ABLIM2: variants seen among roughly 807,000 people sequenced by gnomAD.
ABLIM2 encodes actin-binding LIM protein 2.
ABLIM2 carries 53 observed loss-of-function variants against 97.7 expected under a neutral mutation model. The observed-to-expected ratio is 0.54, with a 90% confidence interval of 0.44 to 0.68. The LOEUF is 0.68. Among genes scored for constraint, ABLIM2 ranks in the 30% least tolerant of loss-of-function variants. ABLIM2 has a pLI of 0.00. For synonymous variants in ABLIM2, 361 were observed against 345.8 expected (o/e 1.04, Z -0.49); for missense variants, 835 against 867.2 (o/e 0.96, Z 0.47).
At chr4:7,968,912 G>C (rs947036526) in intron 20 of ABLIM2, among the ~76,000 whole-genome samples, 1 of 152,108 alleles carries the variant, frequency 6.6e-6, no homozygotes, top group Admixed American at 6.6e-5. Context: ...AGGTTGAGGC[G>C]TGTGGATCAC....
intron 1 of ABLIM2, among the ~76,000 whole-genome samples, chr4:8,114,899 C>T (rs924115181): frequency 6.6e-6 from 1 of 152,222 alleles, no homozygotes; most frequent in African/African-American, 2.4e-5. Flanking sequence ...GGACACTCCT[C>T]CCGGGGCCCA....
At position 8,080,779 on chromosome 4, in the gene ABLIM2, T is replaced by C. The variant is rs1819314844; in HGVS notation, c.478A>G (p.Ile160Val). Residue 160 changes from isoleucine to valine, a missense_variant, in exon 5 of 21, where the codon ATC becomes GTC. Ile to Val is a conservative substitution (Grantham distance 29). Transcript: ENST00000447017. The stretch of plus-strand genomic sequence containing the variant: ...GCTACCAGGGCCTGGCCATTCTTGA[T>C]TTCTGTGCCGCAGCCCCCACAACCT... ...LRSCGGCGTE[I>V]KNGQALVALD... 11 of 1,609,188 alleles carry C rather than the reference T, an allele frequency of 6.8e-6. No individual in the cohort carries two copies. Among genetic ancestry groups the C allele is most frequent in the Non-Finnish European group, 9.3e-6 (11 of 1,176,996 alleles).
chr4:7,992,973 C>T lies in ABLIM2; in HGVS notation c.1619-46G>A, dbSNP rs921197509. On this transcript the variant is annotated intron_variant, in intron 16 of 20. Transcript: ENST00000447017. The surrounding 1 kb of genome is among the most constrained non-coding windows in gnomAD (Gnocchi z 5.7). ...CTTTGTCACGCGCGCAGACTCGGTG[C>T]AGCAATGGGGGTGCAGCCCTGGGGG... The T allele has an allele frequency of 1.3e-6, 2 of 1,597,192 alleles. No homozygotes were observed. The highest frequency in any genetic ancestry group is 1.7e-6 in the Non-Finnish European group (2 of 1,169,124).
At chr4:7,995,321 G>T (rs986784019) in intron 16 of ABLIM2, among the ~76,000 whole-genome samples, 2 of 152,210 alleles carry the variant, frequency 1.3e-5, no homozygotes, top group African/African-American at 4.8e-5. Flanking sequence ...CAGGTACAGG[G>T]CCAGATGCCC....
At chr4:8,089,390 G>A (rs1410949546) in intron 3 of ABLIM2, among the ~76,000 whole-genome samples, 2 of 152,178 alleles carry the variant, frequency 1.3e-5, no homozygotes, top group Non-Finnish European at 2.9e-5. Flanking sequence ...AGAGAACCAG[G>A]TGCTTTTCAG....
At chr4:8,078,882 G>C (rs1246053913) in intron 5 of ABLIM2, among the ~76,000 whole-genome samples, 1 of 152,246 alleles carries the variant, frequency 6.6e-6, no homozygotes, top group African/African-American at 2.4e-5. Context: ...CACAGAGCGA[G>C]GTACCTGCCA....
At position 8,023,534 on chromosome 4, in the gene ABLIM2, G is replaced by A. The variant is rs1775349237; in HGVS notation, c.1268-3231C>T. On this transcript the variant is annotated intron_variant, in intron 12 of 20. Transcript: ENST00000447017. The surrounding 1 kb of genome is among the most constrained non-coding windows in gnomAD (Gnocchi z 5.7). ...TCAGCAGAGCGGATCACTGGCCGTG[G>A]CGGCCTTGCTGACCGGGTCATGCTC... 6.6e-6 allele frequency among the ~76,000 whole-genome samples: 1 copy of A among 152,210 alleles called. No individual in the cohort carries two copies. Among genetic ancestry groups the A allele is most frequent in the Admixed American group, 6.5e-5 (1 of 15,284 alleles).
chr4:8,119,897 A>T (rs1844509663), intron 1 of ABLIM2, among the ~76,000 whole-genome samples: 1 of 151,932 alleles, frequency 6.6e-6, no homozygotes, highest in Non-Finnish European at 1.5e-5. Context: ...GGAAGAGCAG[A>T]CCCTTCGCCT....
chr4:8,002,237 T>C lies in ABLIM2; in HGVS notation c.1618+5822A>G, dbSNP rs181306532. The stretch of plus-strand genomic sequence containing the variant: ...GCAACCCCCCGGACGTCTCAGGCTC[T>C]CCAAGCCAACATGAAGACACCCACC... On this transcript the variant is annotated intron_variant, in intron 16 of 20. Transcript: ENST00000447017. This position sits in a 1 kb window ranked among gnomAD's most constrained non-coding sequence, Gnocchi z 6.1. Among the ~76,000 whole-genome samples, 1 of 152,236 alleles carries C rather than the reference T, an allele frequency of 6.6e-6. No individual in the cohort carries two copies. Among genetic ancestry groups the C allele is most frequent in the East Asian group, 1.9e-4 (1 of 5,158 alleles).
intron 6 of ABLIM2, among the ~76,000 whole-genome samples, chr4:8,062,391 T>C (rs1258105908): frequency 1.3e-5 from 2 of 151,998 alleles, no homozygotes; most frequent in Non-Finnish European, 2.9e-5. Flanking sequence ...GAAACAATCA[T>C]TTCGCTGATC....
Position 8,032,531 on chromosome 4 carries a change from C to G in ABLIM2, c.1048-2755G>C. On this transcript the variant is annotated intron_variant, in intron 10 of 20. Transcript: ENST00000447017. This position sits in a 1 kb window ranked among gnomAD's most constrained non-coding sequence, Gnocchi z 4.3. Reference sequence around the variant, plus strand: ...ATGTCACAAGGGCCGTGGCCCCGGGCCCCATGGTGAAGAGCCACCGAGGAG... The same window carrying G: ...ATGTCACAAGGGCCGTGGCCCCGGGGCCCATGGTGAAGAGCCACCGAGGAG... 5.2e-6 allele frequency: 7 copies of G among 1,345,734 alleles called. No homozygotes were observed. Among genetic ancestry groups the G allele is most frequent in the Non-Finnish European group, 7.3e-6 (7 of 954,368 alleles). 83.4% of individuals were successfully genotyped at this position (1,345,734 alleles called of 1,614,324 possible). A position where few individuals can be genotyped will look rare whatever the true frequency, so the allele number is the denominator to read the frequency against.
chr4:8,024,126 G>A (rs1775778349), intron 12 of ABLIM2, among the ~76,000 whole-genome samples: 1 of 152,178 alleles, frequency 6.6e-6, no homozygotes, highest in Non-Finnish European at 1.5e-5. Context: ...GAGGGTGCGG[G>A]CCTGGACCTG....
intron 3 of ABLIM2, 112 bp from the exon 4 acceptor site, chr4:8,088,396 G>C (rs1825234478): frequency 2.5e-5 from 20 of 799,214 alleles, no homozygotes; most frequent in Non-Finnish European, 3.7e-5. Context: ...TCTTGCAAAG[G>C]TACCACTCAC....
At chr4:8,059,176 C>T (rs1801286402) in intron 7 of ABLIM2, among the ~76,000 whole-genome samples, 1 of 152,018 alleles carries the variant, frequency 6.6e-6, no homozygotes, top group Non-Finnish European at 1.5e-5. Flanking sequence ...TAAGATGAAG[C>T]ATAACTCTAG....
At chr4:8,009,344 C>T (rs1447941684) in intron 14 of ABLIM2, among the ~76,000 whole-genome samples, 2 of 152,212 alleles carry the variant, frequency 1.3e-5, no homozygotes, top group East Asian at 3.8e-4. Flanking sequence ...TCTAGCCAAA[C>T]ACCCACACAG....
chr4:7,976,156 G>C lies in ABLIM2; in HGVS notation c.1824+7108C>G, dbSNP rs949117289. Among the ~76,000 whole-genome samples the C allele has an allele frequency of 5.9e-5, 9 of 152,182 alleles. No individual in the cohort carries two copies. The East Asian group carries it at 1.7e-3, about 29-fold the overall frequency. On this transcript the variant is annotated intron_variant, in intron 20 of 20. Transcript: ENST00000447017. ...TTTTTCCTCTTTTGTGAAATCCACT[G>C]TCACAGTGACTGGCTGCTGCTCATG...
At chr4:8,138,178 T>C (rs1850444691) in intron 1 of ABLIM2, among the ~76,000 whole-genome samples, 1 of 150,530 alleles carries the variant, frequency 6.6e-6, no homozygotes, top group Non-Finnish European at 1.5e-5. Context: ...GGGGAGTGAG[T>C]GTTTAAGGGG....
rs374204284 is a variant in ABLIM2 at position 8,085,678 on chromosome 4, C to T, written c.454+2491G>A. Among the ~76,000 whole-genome samples the T allele has an allele frequency of 2.1e-4, 32 of 150,794 alleles. No individual in the cohort carries two copies. The highest frequency in any genetic ancestry group is 6.3e-4 in the African/African-American group (26 of 41,040). On this transcript the variant is annotated intron_variant, in intron 4 of 20. Coordinates refer to ENST00000447017, the MANE Select transcript of ABLIM2 (RefSeq NM_001130083.2). The surrounding 1 kb of genome is among the most constrained non-coding windows in gnomAD (Gnocchi z 6.1). The stretch of plus-strand genomic sequence containing the variant: ...CCCACGCTGCAGCCCCGTCCACTCA[C>T]GTGGGTCTGGGGGTGCCCACGCTGC...
At chr4:8,012,394 T>C (rs953234137) in intron 14 of ABLIM2, among the ~76,000 whole-genome samples, 1 of 147,994 alleles carries the variant, frequency 6.8e-6, no homozygotes, top group African/African-American at 2.5e-5. Context: ...CACCCACCTA[T>C]ACATCCATCT....
Sources: allele counts gnomAD v4.1 joint callset (sites outside exome capture counted in the v4.1 genomes callset), GRCh38; gene constraint gnomAD v4.1.1; non-coding constraint Gnocchi (gnomAD v3.1); transcripts MANE v1.5; gene names NCBI Gene and HGNC (gene_info 2026-07-23, HGNC 2026-07-21).